The following FCHSD2 variants were observed in gnomAD, a reference collection of about 807,000 sequenced individuals.
The protein encoded by FCHSD2 is FCH and double SH3 domains 2, also known as F-BAR and double SH3 domains protein 2.
FCHSD2 carries 38 observed loss-of-function variants against 108.1 expected under a neutral mutation model. The observed-to-expected ratio is 0.35, with a 90% CI of 0.27 to 0.46. The LOEUF (loss-of-function observed/expected upper bound fraction) is 0.46. Among genes scored for constraint, FCHSD2 ranks in the 20% least tolerant of loss-of-function variants. The pLI is 1.00. For missense variants in FCHSD2, 751 were observed against 897.8 expected (o/e 0.84, Z 2.09); for synonymous variants, 279 against 314.7 (o/e 0.89, Z 1.20).
At chr11:73,001,733 T>C (rs968215374) in intron 4 of FCHSD2, among the ~76,000 whole-genome samples, 10 of 152,192 alleles carry the variant, frequency 6.6e-5, no homozygotes, top group African/African-American at 2.4e-4. Context: ...ACAAAAGAAA[T>C]CTATAATAGT....
chr11:72,970,720 G>T (rs951567005), intron 8 of FCHSD2, among the ~76,000 whole-genome samples: 2 of 152,182 alleles, frequency 1.3e-5, no homozygotes, highest in Admixed American at 1.3e-4. Context: ...CTGGTGAGAT[G>T]CGAATTCTTC....
intron 2 of FCHSD2, among the ~76,000 whole-genome samples, chr11:73,110,761 T>A (rs537014460): frequency 6.6e-6 from 1 of 152,318 alleles, no homozygotes; most frequent in East Asian, 1.9e-4. Context: ...ATCATTAGGT[T>A]ATCTAGCTGA....
intron 18 of FCHSD2, among the ~76,000 whole-genome samples, chr11:72,841,193 G>A (rs1181251866): frequency 6.6e-6 from 1 of 151,792 alleles, no homozygotes; most frequent in Non-Finnish European, 1.5e-5. Flanking sequence ...AATTAGCTGT[G>A]TGTGGTGGTG....
intron 4 of FCHSD2, among the ~76,000 whole-genome samples, chr11:73,006,240 C>G (rs72982850): frequency 6.6e-6 from 1 of 151,938 alleles, no homozygotes; most frequent in Non-Finnish European, 1.5e-5. Context: ...GCCCAGACAC[C>G]TTCCCTAAAC....
At chr11:73,083,180 A>G (rs1457328965) in intron 3 of FCHSD2, among the ~76,000 whole-genome samples, 1 of 152,238 alleles carries the variant, frequency 6.6e-6, no homozygotes, top group East Asian at 1.9e-4. Flanking sequence ...TATAGTAAAT[A>G]ATGTCTCCTC....
chr11:72,977,980 C>T (rs987307499), intron 8 of FCHSD2, among the ~76,000 whole-genome samples: 11 of 152,132 alleles, frequency 7.2e-5, no homozygotes, highest in African/African-American at 9.7e-5. Flanking sequence ...ACTATGCAGT[C>T]ATAAAAAAGG....
chr11:73,007,926 CTA>C (rs1163635795), intron 4 of FCHSD2, among the ~76,000 whole-genome samples: 11 of 152,130 alleles, frequency 7.2e-5, no homozygotes, highest in Admixed American at 1.3e-4. Flanking sequence ...TTTCTGACGA[CTA>C]TGTGTGGCTA....
intron 5 of FCHSD2, among the ~76,000 whole-genome samples, chr11:72,997,464 G>A (rs1857540403): frequency 1.3e-5 from 2 of 152,058 alleles, no homozygotes; most frequent in Non-Finnish European, 1.5e-5. Context: ...GTCCAATATT[G>A]TGAGTCATAA....
At chr11:72,920,008 T>A (rs1156992258) in intron 9 of FCHSD2, among the ~76,000 whole-genome samples, 4 of 151,994 alleles carry the variant, frequency 2.6e-5, no homozygotes, top group Admixed American at 2.0e-4. Context: ...GACACTTTTT[T>A]AAAAGCTTTA....
chr11:72,865,480 T>C (rs991058813), intron 13 of FCHSD2, among the ~76,000 whole-genome samples: 1 of 152,136 alleles, frequency 6.6e-6, no homozygotes, highest in African/African-American at 2.4e-5. Flanking sequence ...ACAGAGGATA[T>C]GTATGTCTCT....
chr11:72,981,540 G>C (rs1857215937), intron 8 of FCHSD2, among the ~76,000 whole-genome samples: 1 of 152,190 alleles, frequency 6.6e-6, no homozygotes, highest in South Asian at 2.1e-4. Context: ...AAAATATACA[G>C]CTTTGATATA....
intron 2 of FCHSD2, among the ~76,000 whole-genome samples, chr11:73,135,429 C>A (rs1292339796): frequency 6.6e-6 from 1 of 152,078 alleles, no homozygotes; most frequent in Non-Finnish European, 1.5e-5. Context: ...TTAAACTGTC[C>A]TCTAAGAAGG....
At position 73,141,858 on chromosome 11, in the gene FCHSD2, T is replaced by G; in HGVS notation, c.20A>C (p.Lys7Thr). The G allele has an allele frequency of 6.5e-7, 1 of 1,544,682 alleles. No homozygotes were observed. The highest frequency in any genetic ancestry group is 8.7e-7 in the Non-Finnish European group (1 of 1,145,732). Residue 7 changes from lysine (K) to threonine (T), a missense_variant and splice_region_variant, in exon 1 of 20, where the codon AAG becomes ACG. By Grantham distance (78) the Lys-to-Thr change is moderately conservative. Transcript: ENST00000409418. Reference sequence around the variant, plus strand: ...AAAGCCCCCCAGCTGCGCCCTTACCTTCCTCGGCGGCGGCTGCATGATGCT... The same window carrying G: ...AAAGCCCCCCAGCTGCGCCCTTACCGTCCTCGGCGGCGGCTGCATGATGCT... MQPPPR[K>T]VKVTQELKNI...
At chr11:72,943,271 G>A (rs1856457107) in intron 8 of FCHSD2, among the ~76,000 whole-genome samples, 1 of 152,156 alleles carries the variant, frequency 6.6e-6, no homozygotes. Flanking sequence ...GGGATTACAG[G>A]CATGACCTAC....
intron 2 of FCHSD2, among the ~76,000 whole-genome samples, chr11:73,124,384 A>C (rs772713075): frequency 6.6e-6 from 1 of 152,164 alleles, no homozygotes; most frequent in Non-Finnish European, 1.5e-5. Flanking sequence ...CATTGTGCAC[A>C]TGTACCCTAG....
intron 8 of FCHSD2, among the ~76,000 whole-genome samples, chr11:72,926,604 C>T (rs562965943): frequency 3.9e-5 from 6 of 152,182 alleles, no homozygotes; most frequent in South Asian, 4.1e-4. Flanking sequence ...CTCCAAGGGA[C>T]GATATGCCTA....
At chr11:73,021,268 T>C (rs1858097416) in intron 3 of FCHSD2, among the ~76,000 whole-genome samples, 1 of 149,876 alleles carries the variant, frequency 6.7e-6, no homozygotes. Flanking sequence ...ATACGTTCAC[T>C]GCAGCCCCAT....
At chr11:73,010,561 G>C (rs995125433) in intron 4 of FCHSD2, among the ~76,000 whole-genome samples, 1 of 152,226 alleles carries the variant, frequency 6.6e-6, no homozygotes, top group African/African-American at 2.4e-5. Flanking sequence ...TTTTCCTGAA[G>C]ATAGATCTAT....
intron 12 of FCHSD2, among the ~76,000 whole-genome samples, chr11:72,878,968 G>A (rs1168559118): frequency 6.6e-6 from 1 of 151,980 alleles, no homozygotes; most frequent in African/African-American, 2.4e-5. Flanking sequence ...AAATTAGCTG[G>A]TTTTGGTGGC....
Sources: gnomAD v4.1 joint callset for allele counts (sites outside exome capture counted in the v4.1 genomes callset) on GRCh38, gnomAD v4.1.1 for gene constraint, MANE v1.5 for transcripts, NCBI Gene and HGNC (gene_info 2026-07-23, HGNC 2026-07-21) for gene names.